The following PCDHGA2 variants were observed in gnomAD, a reference collection of about 807,000 sequenced individuals.
PCDHGA2 encodes protocadherin gamma subfamily A, 2.
A neutral mutation model predicts 59.2 loss-of-function variants in PCDHGA2; 40 were observed. That is an observed-to-expected ratio of 0.68 (90% CI 0.52 to 0.88). PCDHGA2 has a LOEUF of 0.88. PCDHGA2 is among the 40% of genes least tolerant of loss of function. The pLI is 0.00. For missense variants in PCDHGA2, 1,226 were observed against 1,204.0 expected (o/e 1.02, Z -0.27); for synonymous variants, 560 against 526.0 (o/e 1.06, Z -0.89).
intron 1 of PCDHGA2, chr5:141,478,491 G>A: frequency 6.2e-7 from 1 of 1,613,152 alleles, no homozygotes; most frequent in Non-Finnish European, 8.5e-7. Flanking sequence ...CTGCGGAGCT[G>A]TGATCCGGTG....
intron 1 of PCDHGA2, chr5:141,410,044 C>T (rs1220745023): frequency 1.7e-5 from 27 of 1,613,184 alleles, no homozygotes; most frequent in Admixed American, 3.3e-5. Context: ...CCAGTGAGCC[C>T]GGACTCTTCA....
intron 2 of PCDHGA2, 70 bp downstream of exon 2, chr5:141,494,935 G>T (rs1456805368): frequency 2.5e-6 from 4 of 1,612,364 alleles, no homozygotes; most frequent in African/African-American, 1.3e-5. Context: ...GGGAGGAGAT[G>T]GGGGAGGGCC....
At chr5:141,344,025 G>A (rs777463041) in intron 1 of PCDHGA2, 2 of 1,527,384 alleles carry the variant, frequency 1.3e-6, no homozygotes, top group Non-Finnish European at 1.8e-6. Context: ...GCGATTCACC[G>A]AAAAGGAAAT....
intron 1 of PCDHGA2, among the ~76,000 whole-genome samples, chr5:141,466,670 G>A (rs994949602): frequency 9.2e-5 from 14 of 152,046 alleles, no homozygotes; most frequent in African/African-American, 2.2e-4. Flanking sequence ...TGATTTCACC[G>A]TTCTTCCACT....
At chr5:141,345,623 A>C (rs759614857) in intron 1 of PCDHGA2, 1 of 1,614,150 alleles carries the variant, frequency 6.2e-7, no homozygotes, top group South Asian at 1.1e-5. Flanking sequence ...ACTTAAAGCT[A>C]CTGGTGACAG....
At chr5:141,375,622 TCTGTACGCC>T in intron 1 of PCDHGA2, 1 of 1,614,200 alleles carries the variant, frequency 6.2e-7, no homozygotes. Flanking sequence ...ACACTGGGAT[TCTGTACGCC>T]CTGCGCTCCT....
intron 1 of PCDHGA2, chr5:141,355,824 C>T (rs1359951583): frequency 1.9e-6 from 3 of 1,612,804 alleles, no homozygotes; most frequent in Non-Finnish European, 2.5e-6. Context: ...AGGCGGTTCA[C>T]CACCTCGTTC....
At chr5:141,417,874 C>G in intron 1 of PCDHGA2, 9 of 1,555,320 alleles carry the variant, frequency 5.8e-6, no homozygotes, top group Non-Finnish European at 7.8e-6. Context: ...GAGGGAGCTG[C>G]GCGCAGAGGC....
chr5:141,389,604 G>A, intron 1 of PCDHGA2: 1 of 1,613,156 alleles, frequency 6.2e-7, no homozygotes, highest in Non-Finnish European at 8.5e-7. Flanking sequence ...TGCGCTCTTC[G>A]ATATGGTGCC....
At chr5:141,501,987 G>A (rs1462571527) in intron 2 of PCDHGA2, among the ~76,000 whole-genome samples, 2 of 152,016 alleles carry the variant, frequency 1.3e-5, no homozygotes, top group Non-Finnish European at 2.9e-5. Flanking sequence ...TGGTCCCGTT[G>A]TCTCCCTGAC....
chr5:141,372,931 A>G, intron 1 of PCDHGA2: 1 of 890,318 alleles, frequency 1.1e-6, no homozygotes, highest in Admixed American at 3.1e-5. Flanking sequence ...TTTCTGGTGT[A>G]GAGTAGGGTG....
intron 1 of PCDHGA2, chr5:141,396,354 C>T (rs1285916157): frequency 6.6e-6 from 1 of 152,456 alleles, no homozygotes; most frequent in East Asian, 1.9e-4. Context: ...TGCGGTGGCT[C>T]ACGCCTGTAA....
Position 141,485,548 on chromosome 5 carries a change from T to C in PCDHGA2, c.2425-9259T>C, listed in dbSNP as rs749739126. ...ACCGAGCAGAGGTAGAGATCGTAGA[T>C]GTGAATGATCACGCCCCCCGTTTTC... On this transcript the variant is annotated intron_variant, in intron 1 of 3. Transcript: ENST00000394576. This position sits in a 1 kb window ranked among gnomAD's most constrained non-coding sequence, Gnocchi z 5.7. The C allele has an allele frequency of 3.1e-6, 5 of 1,614,040 alleles. No homozygotes were observed. The highest frequency in any genetic ancestry group is 3.4e-6 in the Non-Finnish European group (4 of 1,179,942).
chr5:141,421,960 CA>C, intron 1 of PCDHGA2: 1 of 1,612,526 alleles, frequency 6.2e-7, no homozygotes, highest in Admixed American at 1.7e-5. Flanking sequence ...AATGTTTACA[CA>C]GTCCGTATAT....
chr5:141,485,632 G>T lies in PCDHGA2; in HGVS notation c.2425-9175G>T. The T allele has an allele frequency of 6.2e-7, 1 of 1,611,766 alleles. No homozygotes were observed. Among genetic ancestry groups the T allele is most frequent in the Non-Finnish European group, 8.5e-7 (1 of 1,178,342 alleles). The stretch of plus-strand genomic sequence containing the variant: ...CAGCTCCTCCAGGACAGCGTTTCCC[G>T]TTGGAAAAGGCTCAGGATGCAGATG... On this transcript the variant is annotated intron_variant, in intron 1 of 3. Coordinates refer to ENST00000394576, the MANE Select transcript of PCDHGA2 (RefSeq NM_018915.4). This position sits in a 1 kb window ranked among gnomAD's most constrained non-coding sequence, Gnocchi z 5.7.
intron 1 of PCDHGA2, chr5:141,403,602 G>A (rs761454619): frequency 5.0e-6 from 8 of 1,613,800 alleles, no homozygotes; most frequent in Non-Finnish European, 5.9e-6. Context: ...GCCTCGGATG[G>A]CGGCGAGCCG....
At chr5:141,495,014 G>A (rs561045298) in intron 2 of PCDHGA2, 149 bp downstream of exon 2, 13 of 1,510,430 alleles carry the variant, frequency 8.6e-6, no homozygotes, top group South Asian at 7.5e-5. Flanking sequence ...GCGGGGGGCT[G>A]GCACACAGAC....
intron 1 of PCDHGA2, chr5:141,478,860 A>C: frequency 1.9e-5 from 25 of 1,331,544 alleles, no homozygotes; most frequent in Middle Eastern, 2.6e-4. Context: ...ACAAGATCTC[A>C]GCGATCAGAG....
chr5:141,465,979 G>A (rs779605313), intron 1 of PCDHGA2, among the ~76,000 whole-genome samples: 9 of 151,846 alleles, frequency 5.9e-5, no homozygotes, highest in Non-Finnish European at 1.3e-4. Flanking sequence ...AAAATTAGCC[G>A]GGCATGGTGG....
Sources: gnomAD v4.1 joint callset for allele counts (sites outside exome capture counted in the v4.1 genomes callset) on GRCh38, gnomAD v4.1.1 for gene constraint, Gnocchi (gnomAD v3.1) non-coding constraint, MANE v1.5 for transcripts, NCBI Gene and HGNC (gene_info 2026-07-23, HGNC 2026-07-21) for gene names.